Variants in DNASE2 observed in about 807,000 individuals in gnomAD.
The protein encoded by DNASE2 is deoxyribonuclease-2-alpha.
In DNASE2, 26 loss-of-function variants were observed where a neutral mutation model predicts 29.8. That is an observed-to-expected ratio of 0.87 (90% CI 0.64 to 1.21). The LOEUF is 1.21. Among genes scored for constraint, DNASE2 ranks in the 50% most tolerant of loss-of-function variants. The pLI is 0.00. For missense variants in DNASE2, 415 were observed against 455.6 expected (o/e 0.91, Z 0.81); for synonymous variants, 186 against 193.5 (o/e 0.96, Z 0.32).
intron 5 of DNASE2, among the ~76,000 whole-genome samples, chr19:12,876,795 G>C (rs1970326546): frequency 1.3e-5 from 2 of 151,270 alleles, no homozygotes; most frequent in Admixed American, 1.3e-4. Flanking sequence ...TCCCAGTCCT[G>C]GGAATGATGA....
chr19:12,880,438 G>A (rs1415326970), intron 3 of DNASE2, among the ~76,000 whole-genome samples: 1 of 151,974 alleles, frequency 6.6e-6, no homozygotes, highest in Non-Finnish European at 1.5e-5. Flanking sequence ...GATCACTTGA[G>A]GTAGAAACCA....
At chr19:12,877,290 G>A (rs1258636381) in intron 5 of DNASE2, among the ~76,000 whole-genome samples, 1 of 152,020 alleles carries the variant, frequency 6.6e-6, no homozygotes, top group African/African-American at 2.4e-5. Context: ...CCCAGCTGGA[G>A]TGCAGTGGCA....
rs1970342882 is a variant in DNASE2, at chr19:12,878,478, G to C, written c.613C>G (p.His205Asp). 1 of 1,613,924 alleles carries C rather than the reference G, an allele frequency of 6.2e-7. No individual in the cohort carries two copies. Among genetic ancestry groups the C allele is most frequent in the African/African-American group, 1.3e-5 (1 of 74,914 alleles). The change falls in exon 5 of 6, where the codon CAC becomes GAC. Residue 205 changes from histidine (H) to aspartate (D), a missense_variant. Physicochemically the swap from His to Asp is moderately conservative, Grantham distance 81. Coordinates refer to ENST00000222219, the MANE Select transcript of DNASE2 (RefSeq NM_001375.3). The part of the protein sequence containing the change: ...PDLENVVKGH[H>D]VSQEPWNSSI... ...CTGTTCCAGGGTTCTTGGCTAACGT[G>C]GTGGCCCTTGACCACATTCTCCAAG...
intron 2 of DNASE2, 23 bp from the exon 3 acceptor site, chr19:12,880,903 A>G (rs1970372770): frequency 6.2e-7 from 1 of 1,614,208 alleles, no homozygotes; most frequent in East Asian, 2.2e-5. Flanking sequence ...AAACGGAGGC[A>G]ACGTGAAATT....
At chr19:12,878,859 G>A (rs1239501019) in intron 3 of DNASE2, 25 bp from the exon 4 acceptor site, 4 of 1,603,598 alleles carry the variant, frequency 2.5e-6, no homozygotes, top group Non-Finnish European at 3.4e-6. Flanking sequence ...GGCATTAGGG[G>A]AGGTCGGGCG....
In DNASE2 at chr19:12,876,128, G is replaced by T. The variant is rs758353391; in HGVS notation, c.945C>A (p.Asn315Lys). Residue 315 changes from asparagine (N) to lysine (K), a missense_variant, in exon 6 of 6, where the codon AAC becomes AAA. By Grantham distance (94) the Asn-to-Lys change is moderately conservative. Transcript: ENST00000222219. ...CCCCACCCCGTTGCTCCTCTCCCTG[G>T]TTCCGATTCATGTCACCCACGCAGG... ...PWTCVGDMNRNQGEEQRGGGT... is the reference protein window; with the variant it reads ...PWTCVGDMNRKQGEEQRGGGT... 1 of 1,614,178 alleles carries T rather than the reference G, an allele frequency of 6.2e-7. No individual in the cohort carries two copies. The highest frequency in any genetic ancestry group is 1.1e-5 in the South Asian group (1 of 91,086).
intron 5 of DNASE2, among the ~76,000 whole-genome samples, chr19:12,877,745 C>CG (rs1485682979): frequency 6.6e-6 from 1 of 151,556 alleles, no homozygotes; most frequent in Non-Finnish European, 1.5e-5. Flanking sequence ...AGGGTTTCAC[C>CG]GTGTTAGCCA....
chr19:12,877,284 G>A (rs1290712115), intron 5 of DNASE2, among the ~76,000 whole-genome samples: 4 of 152,042 alleles, frequency 2.6e-5, no homozygotes, highest in Admixed American at 1.3e-4. Context: ...TGACACCCCA[G>A]CTGGAGTGCA....
In DNASE2 at chr19:12,881,160, T is replaced by C; in HGVS notation, c.87-8A>G. 1 of 1,611,204 alleles carries C rather than the reference T, an allele frequency of 6.2e-7. No individual in the cohort carries two copies. ...AGCTTGTAGACCACGAACCTGGAGG[T>C]CGGAGAATGCACAGAAATAGGAGAG... On this transcript the variant is annotated splice_region_variant and splice_polypyrimidine_tract_variant and intron_variant, in intron 1 of 5. Coordinates refer to ENST00000222219, the MANE Select transcript of DNASE2 (RefSeq NM_001375.3).
intron 1 of DNASE2, 39 bp downstream of exon 1, chr19:12,881,251 G>C (rs760317048): frequency 6.3e-7 from 1 of 1,596,452 alleles, no homozygotes; most frequent in Admixed American, 1.8e-5. Flanking sequence ...ACCGCAGCCG[G>C]ACCCCGGGGC....
At position 12,878,511 on chromosome 19, in the gene DNASE2, A is replaced by G. The variant is rs768453783; in HGVS notation, c.580T>C (p.Phe194Leu). The G allele has an allele frequency of 6.2e-7, 1 of 1,614,142 alleles. No individual in the cohort carries two copies. Among genetic ancestry groups the G allele is most frequent in the Non-Finnish European group, 8.5e-7 (1 of 1,180,028 alleles). Residue 194 changes from phenylalanine (F) to leucine (L), a missense_variant, in exon 5 of 6, where the codon TTC (phenylalanine) becomes CTC (leucine). Coordinates refer to ENST00000222219, the MANE Select transcript of DNASE2 (RefSeq NM_001375.3). ...YQLEGIFAQE[F>L]PDLENVVKGH... Reference sequence around the variant, plus strand: ...TTGACCACATTCTCCAAGTCGGGGAATTCCTGGGCAAAGATCCCTTCCAGC... The same window carrying G: ...TTGACCACATTCTCCAAGTCGGGGAGTTCCTGGGCAAAGATCCCTTCCAGC...
chr19:12,879,912 T>C (rs573572188), intron 3 of DNASE2, among the ~76,000 whole-genome samples: 1 of 151,864 alleles, frequency 6.6e-6, no homozygotes, highest in Non-Finnish European at 1.5e-5. Context: ...AATATCAGCC[T>C]GTCCAACCTG....
rs997804240 is a variant in DNASE2, at chr19:12,881,415, C to T, written c.-40G>A. 3.2e-5 allele frequency: 50 copies of T among 1,547,486 alleles called. No individual in the cohort carries two copies. Among genetic ancestry groups the T allele is most frequent in the Non-Finnish European group, 4.0e-5 (46 of 1,146,326 alleles). ...TGAGATCCAGGAATCTGTGTCGGGACTGCGGGGCGCTGGGTTACATCAGAG... is the reference window on the plus strand; with the variant it reads ...TGAGATCCAGGAATCTGTGTCGGGATTGCGGGGCGCTGGGTTACATCAGAG... On this transcript the variant is annotated 5_prime_UTR_variant, in exon 1 of 6. Coordinates refer to ENST00000222219, the MANE Select transcript of DNASE2 (RefSeq NM_001375.3).
intron 5 of DNASE2, 96 bp from the exon 6 acceptor site, chr19:12,876,459 C>CTTTTTTTT (rs56207722): frequency 1.6e-6 from 2 of 1,267,258 alleles, no homozygotes; most frequent in Non-Finnish European, 1.0e-6. Context: ...TCCATATTTC[C>CTTTTTTTT]TTTTTTTTTT....
rs1970345750 is a variant in DNASE2, at chr19:12,878,716, C to G, written c.465G>C (p.Gln155His). 1.9e-6 allele frequency: 3 copies of G among 1,614,008 alleles called. No homozygotes were observed. Among genetic ancestry groups the G allele is most frequent in the Non-Finnish European group, 8.5e-7 (1 of 1,180,022 alleles). ...SWPHSACTYG[Q>H]TLLCVSFPFA... ...AGGGAAAAGACACACAGAGCAGGGT[C>G]TGCCCGTAGGTACAGGCGCTATGAG... Residue 155 changes from glutamine (Q) to histidine (H), a missense_variant, in exon 4 of 6, where the codon CAG (glutamine) becomes CAC (histidine). Coordinates refer to ENST00000222219, the MANE Select transcript of DNASE2 (RefSeq NM_001375.3).
At position 12,878,808 on chromosome 19, in the gene DNASE2, C is replaced by G. The variant is rs752690525; in HGVS notation, c.373G>C (p.Gly125Arg). The change falls in exon 4 of 6, where the codon GGC becomes CGC. Residue 125 changes from glycine to arginine, a missense_variant. Gly to Arg is a moderately radical substitution (Grantham distance 125). Transcript: ENST00000222219. The part of the protein sequence containing the change: ...KGVLLLDHDG[G>R]FWLVHSVPNF... ...GGTACACTGTGGACCAGCCAGAAGC[C>G]CCCATCGTGGTCAAGGAGCAGGACA... The G allele has an allele frequency of 6.2e-7, 1 of 1,613,560 alleles. No individual in the cohort carries two copies. The highest frequency in any genetic ancestry group is 1.1e-5 in the South Asian group (1 of 91,038).
chr19:12,880,681 T>G, intron 3 of DNASE2, 121 bp downstream of exon 3: 17 of 1,342,270 alleles, frequency 1.3e-5, no homozygotes, highest in Admixed American at 2.0e-5. Context: ...AAAAAAAAGT[T>G]GGGGGGAATA....
Position 12,881,287 on chromosome 19 carries a change from C to A in DNASE2, c.86+3G>T. On this transcript the variant is annotated splice_donor_region_variant and intron_variant, in intron 1 of 5. Coordinates refer to ENST00000222219, the MANE Select transcript of DNASE2 (RefSeq NM_001375.3). ...GATGGTAGGCCCCCCGCTGCGCACT[C>A]ACCAGTCTACAGGCTGCCCGGAGTC... 1 of 1,577,048 alleles carries A rather than the reference C, an allele frequency of 6.3e-7. No individual in the cohort carries two copies.
In DNASE2 at chr19:12,881,105, G is replaced by C. The variant is rs112348773; in HGVS notation, c.134C>G (p.Ala45Gly). The change falls in exon 2 of 6, where the codon GCG (alanine) becomes GGG (glycine). Residue 45 changes from alanine (A) to glycine (G), a missense_variant. By Grantham distance (60) the Ala-to-Gly change is moderately conservative. Transcript: ENST00000222219. Reference protein sequence around the residue: ...LPALRGSGEAAQRGLQYKYLD... With the variant: ...LPALRGSGEAGQRGLQYKYLD... Reference sequence around the variant, plus strand: ...ATACTTGTACTGCAGCCCTCTCTGCGCCGCCTCCCCGGACCCTCTAAGAGC... The same window carrying C: ...ATACTTGTACTGCAGCCCTCTCTGCCCCGCCTCCCCGGACCCTCTAAGAGC... The C allele has an allele frequency of 7.3e-3, 11,838 of 1,611,816 alleles. 57 individuals carry two copies. The highest frequency in any genetic ancestry group is 0.012 in the Middle Eastern group (70 of 6,060).
Sources: gnomAD v4.1 joint callset for allele counts (sites outside exome capture counted in the v4.1 genomes callset) on GRCh38, gnomAD v4.1.1 for gene constraint, MANE v1.5 for transcripts, NCBI Gene and HGNC (gene_info 2026-07-23, HGNC 2026-07-21) for gene names.